Variants in TJP3 observed in about 807,000 individuals in gnomAD.
TJP3 encodes tight junction protein 3, also known as tight junction protein ZO-3.
Under a neutral mutation model 104.2 loss-of-function variants are expected in TJP3, and 85 were observed. The observed-to-expected ratio is 0.82, with a 90% confidence interval of 0.68 to 0.98. TJP3 has a LOEUF of 0.98. Among genes scored for constraint, TJP3 ranks in the 50% least tolerant of loss-of-function variants. The probability of loss-of-function intolerance (pLI) is 0.00; values close to 1 mark genes in which losing one functional copy is unlikely to be tolerated. For missense variants in TJP3, 1,367 were observed against 1,322.8 expected (o/e 1.03, Z -0.52); for synonymous variants, 550 against 550.6 (o/e 1.00, Z 0.02).
In TJP3 at chr19:3,736,325, C is replaced by T. The variant is rs372481613; in HGVS notation, c.1284+4C>T. On this transcript the variant is annotated splice_donor_region_variant and intron_variant, in intron 11 of 20. Coordinates refer to ENST00000541714, the MANE Select transcript of TJP3 (RefSeq NM_001267560.2). ...GGAGGGAGATCAGATTCTGCAGGTGCTCCGGGGGCGGCTGGCCAGCCCCAC... is the reference window on the plus strand; with the variant it reads ...GGAGGGAGATCAGATTCTGCAGGTGTTCCGGGGGCGGCTGGCCAGCCCCAC... 25 of 1,524,128 alleles carry T rather than the reference C, an allele frequency of 1.6e-5. No individual in the cohort carries two copies. The African/African-American group carries it at 2.5e-4, about 15-fold the overall frequency. The allele number at this position is 1,524,128 out of a possible 1,614,324, so 94.4% of individuals were successfully genotyped here.
chr19:3,747,898 G>A lies in TJP3; in HGVS notation c.2427G>A (p.Thr809=), dbSNP rs145640324. 1,335 of 1,613,222 alleles carry A rather than the reference G, an allele frequency of 8.3e-4. 2 individuals are homozygous for A. In the Middle Eastern group the frequency reaches 0.01, roughly 12 times the overall value. The change falls in exon 19 of 21, where the codon ACG becomes ACA. Residue 809 remains threonine, a synonymous_variant. Transcript: ENST00000541714. ...GCCGCGTTAACAGCGACTACGAGAC[G>A]GACGGCGAGGGCGGCGCGTACACGG... The part of the protein sequence containing the change: ...CDSRVNSDYE[T]DGEGGAYTDG...
chr19:3,721,270 A>G (rs2036539733), intron 1 of TJP3, among the ~76,000 whole-genome samples: 1 of 152,048 alleles, frequency 6.6e-6, no homozygotes. Context: ...CCGCAGGAAA[A>G]AGGCACGCAG....
At chr19:3,733,316 G>A (rs1050064316) in intron 6 of TJP3, among the ~76,000 whole-genome samples, 12 of 152,150 alleles carry the variant, frequency 7.9e-5, no homozygotes, top group African/African-American at 2.7e-4. Context: ...CATTACAGGC[G>A]TGAGCCACCG....
chr19:3,738,432 G>C (rs1599158060), intron 11 of TJP3, 123 bp from the exon 12 acceptor site: 1 of 783,880 alleles, frequency 1.3e-6, no homozygotes. Flanking sequence ...GGAACTGCCG[G>C]GTCCCTTGGC....
At chr19:3,724,780 C>G (rs548545826) in intron 1 of TJP3, among the ~76,000 whole-genome samples, 2 of 152,128 alleles carry the variant, frequency 1.3e-5, no homozygotes, top group Non-Finnish European at 2.9e-5. Context: ...CTCAAGCAAT[C>G]CTCTTGCCTC....
At chr19:3,731,757 G>A (rs2036674384) in intron 5 of TJP3, among the ~76,000 whole-genome samples, 178 bp from the exon 6 acceptor site, 1 of 152,222 alleles carries the variant, frequency 6.6e-6, no homozygotes, top group African/African-American at 2.4e-5. Context: ...CCCGCCCCGT[G>A]GAGATGTCAT....
chr19:3,710,054 C>A (rs1398898334), intron 1 of TJP3, among the ~76,000 whole-genome samples: 1 of 148,948 alleles, frequency 6.7e-6, no homozygotes, highest in African/African-American at 2.5e-5. Flanking sequence ...GAGGCTGAGG[C>A]AGGAGAATTG....
chr19:3,744,674 A>C (rs1217925065), intron 15 of TJP3, among the ~76,000 whole-genome samples: 1 of 147,174 alleles, frequency 6.8e-6, no homozygotes, highest in Non-Finnish European at 1.5e-5. Context: ...AAAAAAAAAA[A>C]CAAAAACAAT....
chr19:3,730,109 C>T lies in TJP3; in HGVS notation c.240C>T (p.Thr80=), dbSNP rs188028397. Residue 80 remains threonine, a synonymous_variant, in exon 4 of 21, where the codon ACC becomes ACT. Transcript: ENST00000541714. The surrounding 1 kb of genome is among the most constrained non-coding windows in gnomAD (Gnocchi z 7.3). ...TSAFAIQILK[T]CTKMANITVK... ...CGTTTGCCATTCAGATACTCAAGAC[C>T]TGCACCAAGATGGCCAACATCGTGA... 513 of 1,614,178 alleles carry T rather than the reference C, an allele frequency of 3.2e-4. 2 individuals carry two copies. In the East Asian group the frequency reaches 8.7e-3, roughly 27 times the overall value.
intron 1 of TJP3, among the ~76,000 whole-genome samples, chr19:3,717,629 T>C (rs1473767406): frequency 6.6e-6 from 1 of 151,708 alleles, no homozygotes; most frequent in African/African-American, 2.4e-5. Flanking sequence ...AGAGATGGGT[T>C]TTGCCCTGTG....
chr19:3,729,312 C>T (rs980193447), intron 3 of TJP3, among the ~76,000 whole-genome samples: 22 of 151,998 alleles, frequency 1.4e-4, no homozygotes, highest in Non-Finnish European at 2.2e-4. Flanking sequence ...GGTTCTGGGC[C>T]CCAAGTGGCT....
chr19:3,747,669 C>T (rs2036917621), intron 18 of TJP3, 125 bp from the exon 19 acceptor site: 4 of 1,215,350 alleles, frequency 3.3e-6, no homozygotes, highest in Non-Finnish European at 3.3e-6. Flanking sequence ...GAAGCCTCCA[C>T]TGAGGCTCCA....
At chr19:3,749,760 T>C in intron 19 of TJP3, 1 of 267,330 alleles carries the variant, frequency 3.7e-6, no homozygotes, top group Non-Finnish European at 7.1e-6. Context: ...CAATGACATC[T>C]CTGATTAGAG....
At position 3,746,088 on chromosome 19, in the gene TJP3, C is replaced by T. The variant is rs533125788; in HGVS notation, c.2010+7C>T. The stretch of plus-strand genomic sequence containing the variant: ...GCGGGTGATTGCAGAAAAAGTAAGC[C>T]GGGTCCTGCTACGGGTCCCATTTCA... On this transcript the variant is annotated splice_region_variant and intron_variant, in intron 16 of 20. Transcript: ENST00000541714. This position sits in a 1 kb window ranked among gnomAD's most constrained non-coding sequence, Gnocchi z 4.1. 60 of 1,604,742 alleles carry T rather than the reference C, an allele frequency of 3.7e-5. 1 individual carries two copies. Among genetic ancestry groups the T allele is most frequent in the South Asian group, 7.8e-5 (7 of 89,348 alleles).
intron 1 of TJP3, among the ~76,000 whole-genome samples, chr19:3,717,061 G>T (rs1349961681): frequency 6.9e-6 from 1 of 145,658 alleles, no homozygotes; most frequent in African/African-American, 2.4e-5. Flanking sequence ...CGCCTCCCGG[G>T]CTCAAGCAAT....
intron 11 of TJP3, 70 bp from the exon 12 acceptor site, chr19:3,738,485 A>C: frequency 7.4e-7 from 1 of 1,358,336 alleles, no homozygotes; most frequent in Non-Finnish European, 1.0e-6. Flanking sequence ...GCCCAGAGGA[A>C]GGTCCAGGAT....
rs748006541 is a variant in TJP3, at chr19:3,734,352, A to G, written c.903A>G (p.Leu301=). ...LEDISDLASE[L]SQAPPSHIPP... Reference sequence around the variant, plus strand: ...ACATCTCGGACCTCGCCTCGGAGCTATCGCAGGCACCACCATCCCACATCC... The same window carrying G: ...ACATCTCGGACCTCGCCTCGGAGCTGTCGCAGGCACCACCATCCCACATCC... The change falls in exon 8 of 21, where the codon CTA becomes CTG. Residue 301 remains leucine, a synonymous_variant. Transcript: ENST00000541714. The G allele has an allele frequency of 1.9e-6, 3 of 1,613,806 alleles. No individual in the cohort carries two copies. In the East Asian group the frequency reaches 6.7e-5, roughly 36 times the overall value.
chr19:3,732,392 C>T (rs72984736), intron 6 of TJP3, among the ~76,000 whole-genome samples: 21,036 of 152,010 alleles, frequency 0.14, 1,704 homozygotes, highest in Middle Eastern at 0.27. Context: ...GCTGCCCTGC[C>T]CTAAAGGATG....
At chr19:3,716,869 G>A (rs1304057614) in intron 1 of TJP3, among the ~76,000 whole-genome samples, 1 of 139,402 alleles carries the variant, frequency 7.2e-6, no homozygotes. Context: ...CACGATCTCG[G>A]CTCACTGCAC....
Sources: allele counts gnomAD v4.1 joint callset (sites outside exome capture counted in the v4.1 genomes callset), GRCh38; gene constraint gnomAD v4.1.1; non-coding constraint Gnocchi (gnomAD v3.1); transcripts MANE v1.5; gene names NCBI Gene and HGNC (gene_info 2026-07-23, HGNC 2026-07-21).